ATP8A1: variants seen among roughly 807,000 people sequenced by gnomAD.
ATP8A1 encodes ATPase phospholipid transporting 8A1.
A neutral mutation model predicts 177.7 loss-of-function variants in ATP8A1; 90 were observed. The observed-to-expected ratio is 0.51, with a 90% CI of 0.43 to 0.60. The LOEUF is 0.60. ATP8A1 is among the 20% of genes least tolerant of loss of function. ATP8A1 has a pLI of 0.00. For synonymous variants in ATP8A1, 493 were observed against 485.9 expected (o/e 1.01, Z -0.19); for missense variants, 1,072 against 1,392.8 (o/e 0.77, Z 3.67).
intron 15 of ATP8A1, among the ~76,000 whole-genome samples, chr4:42,558,374 T>C (rs1057316741): frequency 6.6e-6 from 1 of 152,190 alleles, no homozygotes; most frequent in Non-Finnish European, 1.5e-5. Flanking sequence ...AATGACGTTA[T>C]GGTATTTTGC....
chr4:42,472,357 G>T, intron 25 of ATP8A1: 1 of 391,294 alleles, frequency 2.6e-6, no homozygotes, highest in South Asian at 2.2e-5. Context: ...TGTTAATTTT[G>T]AATTCCCAGA....
Position 42,554,444 on chromosome 4 carries a change from G to C in ATP8A1, c.1413+1524C>G, listed in dbSNP as rs144369920. ...AAAGCTGAGAATCCAAGAGGGAAGA[G>C]GTGGTCTAGGGCTAGGCTTTGTAGA... On this transcript the variant is annotated intron_variant, in intron 16 of 36. Coordinates refer to ENST00000381668, the MANE Select transcript of ATP8A1 (RefSeq NM_006095.2). Among the ~76,000 whole-genome samples, 23 of 152,270 alleles carry C rather than the reference G, an allele frequency of 1.5e-4. No homozygotes were observed. In the East Asian group the frequency reaches 3.7e-3, roughly 24 times the overall value.
At chr4:42,590,354 G>T (rs928970300) in intron 7 of ATP8A1, among the ~76,000 whole-genome samples, 1 of 152,082 alleles carries the variant, frequency 6.6e-6, no homozygotes, top group African/African-American at 2.4e-5. Context: ...ATCGCTGGAA[G>T]GATTTTACAG....
intron 22 of ATP8A1, among the ~76,000 whole-genome samples, chr4:42,510,026 C>T (rs1724852438): frequency 6.6e-6 from 1 of 152,152 alleles, no homozygotes; most frequent in Non-Finnish European, 1.5e-5. Context: ...CCACGTCTTG[C>T]TCATCTTAAT....
At position 42,565,781 on chromosome 4, in the gene ATP8A1, CA is replaced by C. The variant is rs1250678114; in HGVS notation, c.1340+3379del. Among the ~76,000 whole-genome samples, 10 of 152,030 alleles carry C rather than the reference CA, an allele frequency of 6.6e-5. 1 individual carries two copies. The highest frequency in any genetic ancestry group is 1.3e-4 in the Non-Finnish European group (9 of 67,992). ...GCTTTTGTTCATGCTTAAAATTTTCCACAACAGAAGACAGAAAATGATAAAA... is the reference window on the plus strand; with the variant it reads ...GCTTTTGTTCATGCTTAAAATTTTCCCAACAGAAGACAGAAAATGATAAAA... On this transcript the variant is annotated intron_variant, in intron 15 of 36. Transcript: ENST00000381668.
At chr4:42,629,889 G>A (rs1318620574) in intron 1 of ATP8A1, among the ~76,000 whole-genome samples, 1 of 152,160 alleles carries the variant, frequency 6.6e-6, no homozygotes, top group Admixed American at 6.5e-5. Context: ...TGGACTTAAC[G>A]TAAGTAACCT....
chr4:42,461,903 G>T (rs953670553), intron 27 of ATP8A1, among the ~76,000 whole-genome samples: 4 of 152,186 alleles, frequency 2.6e-5, no homozygotes, highest in Non-Finnish European at 5.9e-5. Context: ...AGAACTTGCT[G>T]GTAACTGGAG....
chr4:42,611,269 G>A (rs768932086), intron 5 of ATP8A1, among the ~76,000 whole-genome samples: 10 of 152,198 alleles, frequency 6.6e-5, no homozygotes, highest in Admixed American at 3.3e-4. Context: ...AGGTGAATAT[G>A]AGTCGATTTA....
intron 1 of ATP8A1, among the ~76,000 whole-genome samples, chr4:42,652,744 G>C (rs1299679687): frequency 2.0e-5 from 3 of 152,128 alleles, no homozygotes; most frequent in South Asian, 2.1e-4. Flanking sequence ...GTTTTATAAA[G>C]AGCAGTTCCC....
intron 25 of ATP8A1, among the ~76,000 whole-genome samples, chr4:42,479,907 C>T (rs753515295): frequency 6.6e-6 from 1 of 151,434 alleles, no homozygotes. Context: ...GTGCACTTTG[C>T]GAAAATCCCA....
Position 42,555,980 on chromosome 4 carries a change from G to A in ATP8A1, c.1401C>T (p.Leu467=), listed in dbSNP as rs775836152. The A allele has an allele frequency of 6.2e-7, 1 of 1,607,702 alleles. No homozygotes were observed. The highest frequency in any genetic ancestry group is 1.1e-5 in the South Asian group (1 of 90,314). The change falls in exon 16 of 37, where the codon CTC becomes CTT. Residue 467 remains leucine (L), a synonymous_variant. Coordinates refer to ENST00000381668, the MANE Select transcript of ATP8A1 (RefSeq NM_006095.2). ...TFSDSSLLEN[L]QNNHPTAPII... is the part of the protein sequence containing the mutation. ...TTATGTAACTTACATGATTATTTTG[G>A]AGATTTTCCAGCAATGATGAATCAC...
chr4:42,419,284 T>C (rs1713588060), intron 35 of ATP8A1, among the ~76,000 whole-genome samples: 2 of 152,182 alleles, frequency 1.3e-5, no homozygotes, highest in South Asian at 2.1e-4. Flanking sequence ...GCTACTAAGT[T>C]CCTGGTGCTG....
chr4:42,643,492 C>T (rs1740213835), intron 1 of ATP8A1, among the ~76,000 whole-genome samples: 1 of 152,110 alleles, frequency 6.6e-6, no homozygotes, highest in Non-Finnish European at 1.5e-5. Context: ...ATTTTTGACT[C>T]CTTTTTTTAA....
chr4:42,485,953 C>T (rs1722156854), intron 24 of ATP8A1, among the ~76,000 whole-genome samples: 1 of 152,150 alleles, frequency 6.6e-6, no homozygotes, highest in South Asian at 2.1e-4. Flanking sequence ...GTAGTCTTTG[C>T]TCATTATTCT....
intron 1 of ATP8A1, among the ~76,000 whole-genome samples, chr4:42,630,225 C>T (rs1325495801): frequency 1.3e-5 from 2 of 152,116 alleles, no homozygotes; most frequent in African/African-American, 4.8e-5. Flanking sequence ...AATCCTTTAC[C>T]ACCCTGCCCC....
chr4:42,420,091 C>G (rs989943975), intron 35 of ATP8A1, among the ~76,000 whole-genome samples: 1 of 152,236 alleles, frequency 6.6e-6, no homozygotes, highest in Non-Finnish European at 1.5e-5. Flanking sequence ...CTAAAATAAT[C>G]CAGGGGGTAA....
chr4:42,650,242 C>G (rs1472723109), intron 1 of ATP8A1, among the ~76,000 whole-genome samples: 1 of 152,158 alleles, frequency 6.6e-6, no homozygotes, highest in East Asian at 1.9e-4. Context: ...ACACTTATAT[C>G]TCCAGAATTA....
At chr4:42,641,224 T>C (rs952329034) in intron 1 of ATP8A1, among the ~76,000 whole-genome samples, 2 of 152,164 alleles carry the variant, frequency 1.3e-5, no homozygotes, top group African/African-American at 2.4e-5. Context: ...GAAGGTTCTA[T>C]ACTAAAGGCC....
In ATP8A1 at chr4:42,551,214, G is replaced by C; in HGVS notation, c.1586C>G (p.Ser529Trp). ...NFVFTGRTPD[S>W]VIIDSLGQEE... ...CTAACTTACTGAATCTATAATCACCGAGTCGGGTGTTCTTCCAGTGAAAAC... is the reference window on the plus strand; with the variant it reads ...CTAACTTACTGAATCTATAATCACCCAGTCGGGTGTTCTTCCAGTGAAAAC... The change falls in exon 18 of 37, where the codon TCG becomes TGG. Residue 529 changes from serine (S) to tryptophan (W), a missense_variant. Ser to Trp is a radical substitution (Grantham distance 177). This residue lies in a region of ATP8A1 where 388 missense variants were observed against 471.7 expected (regional missense o/e 0.82). Transcript: ENST00000381668. 6.2e-7 allele frequency: 1 copy of C among 1,613,204 alleles called. No individual in the cohort carries two copies. The highest frequency in any genetic ancestry group is 1.1e-5 in the South Asian group (1 of 91,044).
Sources: gnomAD v4.1 joint callset for allele counts (sites outside exome capture counted in the v4.1 genomes callset) on GRCh38, gnomAD v4.1.1 for gene constraint, gnomAD v4.1.1 regional missense constraint, MANE v1.5 for transcripts, NCBI Gene and HGNC (gene_info 2026-07-23, HGNC 2026-07-21) for gene names.